The following PSG9 variants were observed in gnomAD, a reference collection of about 807,000 sequenced individuals.
The protein encoded by PSG9 is pregnancy specific beta-1-glycoprotein 9, also known as pregnancy-specific beta-1-glycoprotein 9.
PSG9 carries 49 observed loss-of-function variants against 41.9 expected under a neutral mutation model. The observed-to-expected ratio is 1.17, with a 90% CI of 0.93 to 1.48. PSG9 has a LOEUF of 1.48. PSG9 is among the 40% of genes most tolerant of loss of function. PSG9 has a pLI of 0.00. For synonymous variants in PSG9, 263 were observed against 196.8 expected (o/e 1.34, Z -2.82); for missense variants, 641 against 520.3 (o/e 1.23, Z -2.26).
rs551074254 is a variant in PSG9, at chr19:43,268,277, C to A, written c.65-128G>T. 376 of 1,349,828 alleles carry A rather than the reference C, an allele frequency of 2.8e-4. 2 individuals carry two copies. The African/African-American group carries it at 4.9e-3, about 18-fold the overall frequency. The allele number at this position is 1,349,828 out of a possible 1,614,324, so 83.6% of individuals were successfully genotyped here. ...AGATACACACACGCACACATACAAA[C>A]AAACACACACAAAAAACGGGCATGT... On this transcript the variant is annotated intron_variant, in intron 1 of 5. Transcript: ENST00000270077.
chr19:43,262,905 G>C lies in PSG9; in HGVS notation c.431-767C>G, dbSNP rs190017699. On this transcript the variant is annotated intron_variant, in intron 2 of 5. Transcript: ENST00000270077. ...CATGATGCTCCCTTCCCCCTGTAGA[G>C]GGCAGGTGAGGACCATGTGGATCTT... 4.6e-5 allele frequency among the ~76,000 whole-genome samples: 7 copies of C among 152,332 alleles called. No individual in the cohort carries two copies. The South Asian group carries it at 8.3e-4, about 18-fold the overall frequency.
chr19:43,261,682 C>T (rs530101403), intron 3 of PSG9, among the ~76,000 whole-genome samples, 178 bp downstream of exon 3: 7 of 152,230 alleles, frequency 4.6e-5, no homozygotes, highest in African/African-American at 1.7e-4. Context: ...TCTTTTCTCC[C>T]ATTGTTGATC....
rs150282499 is a variant in PSG9 at position 43,259,411 on chromosome 19, C to T, written c.710-276G>A. 9.3e-4 allele frequency: 489 copies of T among 526,842 alleles called. 74 individuals carry two copies. In the East Asian group the frequency reaches 0.026, roughly 28 times the overall value. 32.6% of individuals were successfully genotyped at this position (526,842 alleles called of 1,614,324 possible). The stretch of plus-strand genomic sequence containing the variant: ...AGACACATCAGTGGGAGTCACAGCC[C>T]CTGGTACCCCTCCCAGTCCCTCCCT... On this transcript the variant is annotated intron_variant, in intron 3 of 5. Coordinates refer to ENST00000270077, the MANE Select transcript of PSG9 (RefSeq NM_002784.5).
chr19:43,268,290 A>C, intron 1 of PSG9, 141 bp from the exon 2 acceptor site: 1 of 1,316,682 alleles, frequency 7.6e-7, no homozygotes, highest in Non-Finnish European at 1.0e-6. Flanking sequence ...ACACACACAA[A>C]AAACGGGCAT....
intron 5 of PSG9, chr19:43,257,237 T>C: frequency 2.2e-6 from 1 of 444,558 alleles, no homozygotes; most frequent in Non-Finnish European, 2.9e-6. Flanking sequence ...TACAGAGGTT[T>C]AATATGGTAA....
rs373307711 is a variant in PSG9, at chr19:43,268,126, G to C, written c.88C>G (p.Pro30Ala). 3.0e-5 allele frequency: 48 copies of C among 1,608,488 alleles called. 1 individual carries two copies. Among genetic ancestry groups the C allele is most frequent in the Non-Finnish European group, 3.1e-5 (36 of 1,177,314 alleles). The change falls in exon 2 of 6, where the codon CCG becomes GCG. Residue 30 changes from proline to alanine, a missense_variant. Coordinates refer to ENST00000270077, the MANE Select transcript of PSG9 (RefSeq NM_002784.5). ...ATCGTGACTTCGGCAGTGGTGGGCG[G>C]GTTCCAGAAGTTTAAAAGTGATGCT... ...LTASLLNFWN[P>A]PTTAEVTIEA...
chr19:43,268,974 C>G lies in PSG9; in HGVS notation c.64+394G>C, dbSNP rs528237899. ...CCTGTCCCTCTCTGGTGTATTTTCC[C>G]CTATCCAGGCTGCAACAGAGCCTTC... On this transcript the variant is annotated intron_variant, in intron 1 of 5. Transcript: ENST00000270077. Among the ~76,000 whole-genome samples the G allele has an allele frequency of 6.6e-5, 10 of 152,054 alleles. No individual in the cohort carries two copies. In the East Asian group the frequency reaches 1.7e-3, roughly 26 times the overall value.
chr19:43,268,140 A>C lies in PSG9; in HGVS notation c.74T>G (p.Leu25Ter), dbSNP rs1364487521. The change falls in exon 2 of 6, where the codon TTA (leucine) becomes TGA (stop). Residue 25 changes from leucine (L) to a stop codon, truncating the protein, a stop_gained. Transcript: ENST00000270077. LOFTEE classifies it high-confidence loss of function. ...WKGLLLTASL[L>*]NFWNPPTTAE... Reference sequence around the variant, plus strand: ...AGTGGTGGGCGGGTTCCAGAAGTTTAAAAGTGATGCTAGGAGGGGGAGACA... The same window carrying C: ...AGTGGTGGGCGGGTTCCAGAAGTTTCAAAGTGATGCTAGGAGGGGGAGACA... The C allele has an allele frequency of 1.2e-6, 2 of 1,603,840 alleles. No homozygotes were observed. Among genetic ancestry groups the C allele is most frequent in the South Asian group, 2.2e-5 (2 of 89,286 alleles).
chr19:43,263,219 G>C (rs558144997), intron 2 of PSG9, among the ~76,000 whole-genome samples: 2 of 152,262 alleles, frequency 1.3e-5, no homozygotes, highest in African/African-American at 4.8e-5. Flanking sequence ...TTCCGTGGGT[G>C]TGCAGTTCCA....
In PSG9 at chr19:43,259,922, A is replaced by G. The variant is rs1201909369; in HGVS notation, c.710-787T>C. 5 of 147,170 alleles carry G rather than the reference A, an allele frequency of 3.4e-5. 2 individuals are homozygous for G. Among genetic ancestry groups the G allele is most frequent in the African/African-American group, 5.2e-5 (2 of 38,796 alleles). 9.1% of individuals were successfully genotyped at this position (147,170 alleles called of 1,614,324 possible). On this transcript the variant is annotated intron_variant, in intron 3 of 5. Transcript: ENST00000270077. ...CAGAGGGCAGAGGAGGACCATGTGG[A>G]TCTTTCCAGAAATACATGTGGACAT...
chr19:43,262,059 A>C lies in PSG9; in HGVS notation c.510T>G (p.Asp170Glu), dbSNP rs201627278. 1 of 1,613,978 alleles carries C rather than the reference A, an allele frequency of 6.2e-7. No individual in the cohort carries two copies. Among genetic ancestry groups the C allele is most frequent in the East Asian group, 2.2e-5 (1 of 44,880 alleles). ...EAMEAVRLIC[D>E]PETLDASYLW... Reference sequence around the variant, plus strand: ...GGTAGCTTGCGTCCAGAGTCTCAGGATCACAGATTAAGCGCACAGCCTCCA... The same window carrying C: ...GGTAGCTTGCGTCCAGAGTCTCAGGCTCACAGATTAAGCGCACAGCCTCCA... Residue 170 changes from aspartate to glutamate, a missense_variant, in exon 3 of 6, where the codon GAT (aspartate) becomes GAG (glutamate). Transcript: ENST00000270077.
Position 43,258,983 on chromosome 19 carries a change from G to C in PSG9, c.862C>G (p.Arg288Gly). The C allele has an allele frequency of 6.3e-7, 1 of 1,590,562 alleles. No individual in the cohort carries two copies. The highest frequency in any genetic ancestry group is 8.5e-7 in the Non-Finnish European group (1 of 1,174,478). The change falls in exon 4 of 6, where the codon CGA becomes GGA. Residue 288 changes from arginine to glycine, a missense_variant. By Grantham distance (125) the Arg-to-Gly change is moderately radical (BLOSUM62 -2). Coordinates refer to ENST00000270077, the MANE Select transcript of PSG9 (RefSeq NM_002784.5). ...QSLPVSPGVKRPIENRILILP... is the reference protein window; with the variant it reads ...QSLPVSPGVKGPIENRILILP... ...ATGAGTATCCTGTTTTCAATGGGTC[G>C]CTTTACCCCGGGACTGACGGGGAGG...
At chr19:43,264,905 G>C (rs183691638) in intron 2 of PSG9, among the ~76,000 whole-genome samples, 41 of 152,270 alleles carry the variant, frequency 2.7e-4, no homozygotes, top group African/African-American at 9.1e-4. Context: ...CTCCATAGCA[G>C]GTTGAGGATG....
Position 43,267,897 on chromosome 19 carries a change from G to A in PSG9, c.317C>T (p.Ser106Phe). 1.2e-6 allele frequency: 2 copies of A among 1,613,786 alleles called. No individual in the cohort carries two copies. Among genetic ancestry groups the A allele is most frequent in the East Asian group, 2.2e-5 (1 of 44,858 alleles). ...CCGGGTGACATTCTGGATCAGCAGGGATGCGTTGGAATATACTGTTTCTCT... is the reference window on the plus strand; with the variant it reads ...CCGGGTGACATTCTGGATCAGCAGGAATGCGTTGGAATATACTGTTTCTCT... ...SGRETVYSNA[S>F]LLIQNVTRKD... The change falls in exon 2 of 6, where the codon TCC becomes TTC. Residue 106 changes from serine (S) to phenylalanine (F), a missense_variant. Transcript: ENST00000270077.
At chr19:43,262,894 C>T (rs751865475) in intron 2 of PSG9, among the ~76,000 whole-genome samples, 2 of 152,170 alleles carry the variant, frequency 1.3e-5, no homozygotes, top group Non-Finnish European at 2.9e-5. Flanking sequence ...ATGCTCCCTT[C>T]CCCCTGTAGA....
chr19:43,255,067 G>A (rs1159274636), intron 5 of PSG9, among the ~76,000 whole-genome samples: 2 of 140,186 alleles, frequency 1.4e-5, no homozygotes, highest in African/African-American at 5.6e-5. Context: ...TTCCATCCTG[G>A]GCTGGCCTAC....
intron 2 of PSG9, among the ~76,000 whole-genome samples, chr19:43,263,084 A>T (rs1364089909): frequency 6.6e-6 from 1 of 152,196 alleles, no homozygotes; most frequent in African/African-American, 2.4e-5. Context: ...ACTTTCTCTC[A>T]TTGGACATTC....
Position 43,262,028 on chromosome 19 carries a change from A to G in PSG9, c.541T>C (p.Trp181Arg). ...ACAGGGAGGCTCTGACCATTCATCC[A>G]CCATAGGTAGCTTGCGTCCAGAGTC... ...PETLDASYLW[W>R]MNGQSLPVTH... is the part of the protein sequence containing the mutation. Residue 181 changes from tryptophan to arginine, a missense_variant, in exon 3 of 6, where the codon TGG becomes CGG. Trp to Arg is a moderately radical substitution (Grantham distance 101). Transcript: ENST00000270077. 6.2e-7 allele frequency: 1 copy of G among 1,614,006 alleles called. No individual in the cohort carries two copies. Among genetic ancestry groups the G allele is most frequent in the Non-Finnish European group, 8.5e-7 (1 of 1,179,922 alleles).
At position 43,269,506 on chromosome 19, in the gene PSG9, G is replaced by A. The variant is rs1969151238; in HGVS notation, c.-75C>T. The A allele has an allele frequency of 1.3e-6, 2 of 1,592,592 alleles. No homozygotes were observed. Among genetic ancestry groups the A allele is most frequent in the Middle Eastern group, 1.7e-4 (1 of 5,980 alleles). ...AGAAGCTGTCTGAGCACGGCTGTCA[G>A]CTGTGCTGTCCTTCCTCCTTCTGTG... On this transcript the variant is annotated 5_prime_UTR_variant, in exon 1 of 6. Coordinates refer to ENST00000270077, the MANE Select transcript of PSG9 (RefSeq NM_002784.5).
Sources: gnomAD v4.1 joint callset for allele counts (sites outside exome capture counted in the v4.1 genomes callset) on GRCh38, gnomAD v4.1.1 for gene constraint, MANE v1.5 for transcripts, NCBI Gene and HGNC (gene_info 2026-07-23, HGNC 2026-07-21) for gene names.